The following MCTP1 variants were observed in gnomAD, a reference collection of about 807,000 sequenced individuals.
The protein encoded by MCTP1 is multiple C2 and transmembrane domain containing 1.
In MCTP1, 69 loss-of-function variants were observed where a neutral mutation model predicts 120.6. The observed-to-expected ratio is 0.57, with a 90% confidence interval of 0.47 to 0.70. The LOEUF (loss-of-function observed/expected upper bound fraction) is 0.70, where lower values mean the gene tolerates loss of function less well. Ranked by LOEUF, MCTP1 falls within the 30% of genes least tolerant of loss-of-function variation. MCTP1 has a pLI of 0.00. For missense variants in MCTP1, 1,203 were observed against 1,248.8 expected (o/e 0.96, Z 0.55); for synonymous variants, 529 against 493.1 (o/e 1.07, Z -0.96).
chr5:94,842,458 AAAC>A (rs1791309221), intron 17 of MCTP1, among the ~76,000 whole-genome samples: 2 of 152,222 alleles, frequency 1.3e-5, no homozygotes, highest in African/African-American at 2.4e-5. Flanking sequence ...GTCATCTAAA[AAAC>A]AACAACAATC....
At position 94,894,799 on chromosome 5, in the gene MCTP1, C is replaced by T. The variant is rs760827846; in HGVS notation, c.1689G>A (p.Gln563=). ...QVDLSALSRE[Q]THKLELQLEE... ...CCAGCTGCAACTCCAGCTTGTGCGT[C>T]TGTTCCCTACTGAGGGCTGACAGGT... The change falls in exon 11 of 23, where the codon CAG becomes CAA. Residue 563 remains glutamine (Q), a synonymous_variant. Transcript: ENST00000515393. The T allele has an allele frequency of 6.2e-7, 1 of 1,608,372 alleles. No homozygotes were observed. The highest frequency in any genetic ancestry group is 8.5e-7 in the Non-Finnish European group (1 of 1,176,290).
At chr5:95,223,666 GA>G (rs200929496) in intron 1 of MCTP1, among the ~76,000 whole-genome samples, 1 of 151,962 alleles carries the variant, frequency 6.6e-6, no homozygotes, top group East Asian at 1.9e-4. Flanking sequence ...CTTGAAACTG[GA>G]AAAATTATGG....
rs146765644 is a variant in MCTP1, at chr5:94,934,637, G to A, written c.1174-2646C>T. ...TAGATACAATAGTAACATACATCTT[G>A]TAAAGCATACATATATCAACTTTTT... On this transcript the variant is annotated intron_variant, in intron 5 of 22. Coordinates refer to ENST00000515393, the MANE Select transcript of MCTP1 (RefSeq NM_024717.7). Among the ~76,000 whole-genome samples, 108 of 151,266 alleles carry A rather than the reference G, an allele frequency of 7.1e-4. No individual in the cohort carries two copies. In the East Asian group the frequency reaches 0.019, roughly 26 times the overall value.
rs553658328 is a variant in MCTP1, at chr5:94,861,371, T to C, written c.2436+6962A>G. 3.9e-5 allele frequency among the ~76,000 whole-genome samples: 6 copies of C among 151,990 alleles called. No homozygotes were observed. In the South Asian group the frequency reaches 1.2e-3, roughly 31 times the overall value. On this transcript the variant is annotated intron_variant, in intron 17 of 22. Transcript: ENST00000515393. ...TAATTGTAACGAATATCTGCACATC[T>C]AGTCAACACAGGAAAATTGGACAAC...
intron 1 of MCTP1, among the ~76,000 whole-genome samples, chr5:95,254,539 C>T (rs1421769777): frequency 2.0e-5 from 3 of 152,066 alleles, no homozygotes; most frequent in Admixed American, 1.3e-4. Flanking sequence ...ACATATGATG[C>T]CTTTCAGTAC....
At chr5:94,757,194 A>C (rs2152830455) in intron 19 of MCTP1, among the ~76,000 whole-genome samples, 1 of 152,324 alleles carries the variant, frequency 6.6e-6, no homozygotes, top group African/African-American at 2.4e-5. Context: ...AACACATACA[A>C]CTGAGTATTA....
chr5:95,089,609 A>G (rs577517996), intron 1 of MCTP1, among the ~76,000 whole-genome samples: 3 of 152,310 alleles, frequency 2.0e-5, no homozygotes, highest in African/African-American at 7.2e-5. Context: ...TTTCTATACT[A>G]CTTAAAGAAT....
intron 1 of MCTP1, among the ~76,000 whole-genome samples, chr5:95,141,558 T>C (rs1199218776): frequency 6.6e-6 from 1 of 152,202 alleles, no homozygotes; most frequent in Non-Finnish European, 1.5e-5. Flanking sequence ...TTTCATTGTG[T>C]TTTACTTTTT....
intron 2 of MCTP1, among the ~76,000 whole-genome samples, chr5:94,960,377 A>G (rs1297261491): frequency 6.6e-6 from 1 of 152,216 alleles, no homozygotes; most frequent in African/African-American, 2.4e-5. Flanking sequence ...CTTCATGACT[A>G]AAACACCAAA....
chr5:95,065,915 C>T (rs1343858894), intron 1 of MCTP1, among the ~76,000 whole-genome samples: 1 of 152,020 alleles, frequency 6.6e-6, no homozygotes, highest in East Asian at 1.9e-4. Flanking sequence ...TACTAGAAGA[C>T]AACATAAGAA....
At chr5:95,239,912 A>G (rs1313933017) in intron 1 of MCTP1, among the ~76,000 whole-genome samples, 2 of 152,064 alleles carry the variant, frequency 1.3e-5, no homozygotes, top group Non-Finnish European at 1.5e-5. Flanking sequence ...GATTTCTTAC[A>G]TATGTTATTA....
At chr5:94,714,378 A>G (rs1758315282) in intron 20 of MCTP1, among the ~76,000 whole-genome samples, 1 of 152,190 alleles carries the variant, frequency 6.6e-6, no homozygotes, top group South Asian at 2.1e-4. Context: ...CACTTGATGA[A>G]AATATAACTA....
intron 18 of MCTP1, among the ~76,000 whole-genome samples, chr5:94,782,462 C>T (rs1776770816): frequency 1.3e-5 from 2 of 152,134 alleles, no homozygotes; most frequent in Admixed American, 6.5e-5. Context: ...GTCTCAGAAG[C>T]TGAGCTGTGC....
chr5:95,074,976 T>C (rs961709425), intron 1 of MCTP1, among the ~76,000 whole-genome samples: 4 of 152,246 alleles, frequency 2.6e-5, no homozygotes, highest in African/African-American at 9.6e-5. Context: ...GGGAGCTGGC[T>C]GTATAATTTT....
intron 10 of MCTP1, among the ~76,000 whole-genome samples, chr5:94,901,338 C>A (rs552455998): frequency 1.1e-4 from 17 of 152,208 alleles, no homozygotes; most frequent in African/African-American, 3.9e-4. Flanking sequence ...ACCTTCCACC[C>A]GGGTCCCTCC....
At chr5:94,878,554 CT>C (rs1430524775) in intron 12 of MCTP1, among the ~76,000 whole-genome samples, 1 of 151,420 alleles carries the variant, frequency 6.6e-6, no homozygotes, top group Non-Finnish European at 1.5e-5. Context: ...TTTTACTATC[CT>C]GGAATAAAAC....
chr5:95,199,608 AGC>A (rs1750770044), intron 1 of MCTP1, among the ~76,000 whole-genome samples: 1 of 151,488 alleles, frequency 6.6e-6, no homozygotes, highest in Non-Finnish European at 1.5e-5. Flanking sequence ...CTGTGATCCC[AGC>A]ATTTTGGGGG....
In MCTP1 at chr5:94,704,785, A is replaced by T. The variant is rs1754151117; in HGVS notation, c.*2711T>A. 1 of 150,580 alleles carries T rather than the reference A, an allele frequency of 6.6e-6. No homozygotes were observed. The highest frequency in any genetic ancestry group is 2.1e-4 in the South Asian group (1 of 4,776). 9.3% of individuals were successfully genotyped at this position (150,580 alleles called of 1,614,324 possible). On this transcript the variant is annotated 3_prime_UTR_variant, in exon 23 of 23. Transcript: ENST00000515393. The stretch of plus-strand genomic sequence containing the variant: ...CCTAGTGCATATAGAATGTTCAAAA[A>T]CTGATTGATTGATTGATAGGTTCTG...
chr5:95,122,539 G>C (rs551304218), intron 1 of MCTP1, among the ~76,000 whole-genome samples: 4 of 152,074 alleles, frequency 2.6e-5, no homozygotes, highest in Admixed American at 2.0e-4. Context: ...AAACCCTCCC[G>C]CACTCTGGGT....
Sources: allele counts gnomAD v4.1 joint callset (sites outside exome capture counted in the v4.1 genomes callset), GRCh38; gene constraint gnomAD v4.1.1; transcripts MANE v1.5; gene names NCBI Gene and HGNC (gene_info 2026-07-23, HGNC 2026-07-21).